RP1: variants seen among roughly 807,000 people sequenced by gnomAD.
The protein encoded by RP1 is oxygen-regulated protein 1.
In RP1, 16 loss-of-function variants were observed where a neutral mutation model predicts 14.8. The observed-to-expected ratio is 1.08, with a 90% CI of 0.73 to 1.65. The LOEUF (loss-of-function observed/expected upper bound fraction) is 1.65, where lower values mean the gene tolerates loss of function less well. RP1 is among the 40% of genes most tolerant of loss of function. The pLI is 0.00. For missense variants in RP1, 2,631 were observed against 2,535.0 expected (o/e 1.04, Z -0.81); for synonymous variants, 876 against 883.6 (o/e 0.99, Z 0.15).
chr8:54,682,545 G>A (rs1470687211), intron 12 of RP1, among the ~76,000 whole-genome samples: 2 of 152,112 alleles, frequency 1.3e-5, no homozygotes, highest in East Asian at 1.9e-4. Context: ...ATTCACAGTA[G>A]CAAAGACATT....
intron 1 of RP1, among the ~76,000 whole-genome samples, chr8:54,606,234 C>T (rs1260914366): frequency 6.6e-6 from 1 of 152,128 alleles, no homozygotes; most frequent in Non-Finnish European, 1.5e-5. Flanking sequence ...TTAGGGCAGG[C>T]CTGGTGGTGA....
At chr8:54,675,654 A>G (rs1324760858) in intron 8 of RP1, among the ~76,000 whole-genome samples, 3 of 150,874 alleles carry the variant, frequency 2.0e-5, no homozygotes, top group Non-Finnish European at 4.4e-5. Flanking sequence ...GGACAAAAGT[A>G]AAAAAAAATT....
intron 26 of RP1, among the ~76,000 whole-genome samples, chr8:54,855,934 TACACACACACAC>T (rs759603043): frequency 3.5e-5 from 2 of 57,786 alleles, no homozygotes; most frequent in African/African-American, 1.2e-4. Context: ...AGACTTACTA[TACACACACACAC>T]ACACACACAC....
At chr8:54,649,780 T>C (rs1585580975) in intron 4 of RP1, among the ~76,000 whole-genome samples, 1 of 152,144 alleles carries the variant, frequency 6.6e-6, no homozygotes, top group South Asian at 2.1e-4. Flanking sequence ...AAAATCACCA[T>C]GAAAAAAGAG....
At position 54,629,720 on chromosome 8, in the gene RP1, CT is replaced by C. The variant is rs1328615024; in HGVS notation, c.5840del (p.Leu1947TrpfsTer7). ...YRKESDIENF[L>X]GFYLWMKIHP... is the part of the protein sequence containing the mutation. ...GCAAAGAATCTGATATTGAAAATTTCTTGGGTTTTTATTTATGGATGAAAAT... is the reference window on the plus strand; with the variant it reads ...GCAAAGAATCTGATATTGAAAATTTCTGGGTTTTTATTTATGGATGAAAAT... On this transcript the variant is annotated frameshift_variant, in exon 4 of 4. Transcript: ENST00000220676. LOFTEE classifies it low-confidence loss of function (END_TRUNC). 4 of 1,611,966 alleles carry C rather than the reference CT, an allele frequency of 2.5e-6. No individual in the cohort carries two copies. The African/African-American group carries it at 5.4e-5, about 22-fold the overall frequency.
chr8:54,753,291 T>A (rs1012921286), intron 19 of RP1, among the ~76,000 whole-genome samples: 1 of 152,246 alleles, frequency 6.6e-6, no homozygotes, highest in Non-Finnish European at 1.5e-5. Context: ...ATTCATTTAA[T>A]CATTCGTTCA....
At chr8:54,601,583 AAAAT>A (rs1805294489) in intron 1 of RP1, among the ~76,000 whole-genome samples, 1 of 149,036 alleles carries the variant, frequency 6.7e-6, no homozygotes, top group African/African-American at 2.5e-5. Flanking sequence ...AAAAAAAAAC[AAAAT>A]AAAAAACTTA....
At chr8:54,575,570 T>C (rs1804622821) in intron 1 of RP1, among the ~76,000 whole-genome samples, 1 of 152,346 alleles carries the variant, frequency 6.6e-6, no homozygotes. Flanking sequence ...TTATAAAATG[T>C]ACAATTAAGT....
intron 19 of RP1, among the ~76,000 whole-genome samples, chr8:54,742,628 T>C (rs980484249): frequency 3.9e-5 from 6 of 152,202 alleles, no homozygotes; most frequent in Non-Finnish European, 7.3e-5. Context: ...TTTAGAAGCA[T>C]TGAAAGAATT....
intron 24 of RP1, among the ~76,000 whole-genome samples, chr8:54,819,018 G>A (rs1811196263): frequency 1.3e-5 from 2 of 152,106 alleles, no homozygotes; most frequent in Non-Finnish European, 2.9e-5. Context: ...ATGCACTGGA[G>A]GGCCCAGAAC....
rs890694115 is a variant in RP1 at position 54,601,681 on chromosome 8, A to G, written c.-12-19274A>G. Among the ~76,000 whole-genome samples, 5 of 152,166 alleles carry G rather than the reference A, an allele frequency of 3.3e-5. No individual in the cohort carries two copies. In the South Asian group the frequency reaches 1.0e-3, roughly 31 times the overall value. On this transcript the variant is annotated intron_variant, in intron 1 of 22. Coordinates refer to the RP1 transcript ENST00000636932. Reference sequence around the variant, plus strand: ...GAAGTATTATCTGCAGGAGCCCCAAACTGGAAACAACCTAAATGCTATTCA... The same window carrying G: ...GAAGTATTATCTGCAGGAGCCCCAAGCTGGAAACAACCTAAATGCTATTCA...
At chr8:54,729,291 G>T (rs986501728) in intron 17 of RP1, among the ~76,000 whole-genome samples, 1 of 152,146 alleles carries the variant, frequency 6.6e-6, no homozygotes, top group Non-Finnish European at 1.5e-5. Context: ...CAGCCATCCT[G>T]CCAGTCCATC....
chr8:54,599,710 C>T (rs1805230781), intron 1 of RP1, among the ~76,000 whole-genome samples: 1 of 152,172 alleles, frequency 6.6e-6, no homozygotes, highest in South Asian at 2.1e-4. Context: ...TTGCCTTGGC[C>T]TCCCAAAGTA....
Position 54,627,339 on chromosome 8 carries a change from G to T in RP1, c.3457G>T (p.Ala1153Ser), listed in dbSNP as rs772227991. The change falls in exon 4 of 4, where the codon GCT becomes TCT. Residue 1153 changes from alanine to serine, a missense_variant. Transcript: ENST00000220676. The part of the protein sequence containing the change: ...NSFCQVDAHK[A>S]TNKSSETLAL... ...CTTCTGTCAAGTTGATGCTCACAAG[G>T]CTACCAACAAATCTTCAGAAACACT... is the stretch of plus-strand genomic sequence containing the variant. 3 of 1,613,982 alleles carry T rather than the reference G, an allele frequency of 1.9e-6. No individual in the cohort carries two copies. The highest frequency in any genetic ancestry group is 2.7e-5 in the African/African-American group (2 of 74,936).
chr8:54,693,635 A>AT (rs1807777424), intron 12 of RP1, among the ~76,000 whole-genome samples: 1 of 152,128 alleles, frequency 6.6e-6, no homozygotes, highest in South Asian at 2.1e-4. Flanking sequence ...TTATTGGTGT[A>AT]TAAGAATGCT....
At chr8:54,746,930 G>C (rs1161276997) in intron 19 of RP1, among the ~76,000 whole-genome samples, 1 of 152,146 alleles carries the variant, frequency 6.6e-6, no homozygotes, top group African/African-American at 2.4e-5. Flanking sequence ...GTTCGTCTGA[G>C]AAGATGGTGT....
chr8:54,769,122 C>T (rs769540568), intron 22 of RP1, among the ~76,000 whole-genome samples: 7 of 152,084 alleles, frequency 4.6e-5, no homozygotes, highest in Non-Finnish European at 8.8e-5. Flanking sequence ...TCTCGATCTC[C>T]TGACCTCATG....
chr8:54,850,120 C>CA (rs1020855573), intron 25 of RP1, among the ~76,000 whole-genome samples: 2 of 152,140 alleles, frequency 1.3e-5, no homozygotes, highest in Non-Finnish European at 2.9e-5. Context: ...AAATGTCCAA[C>CA]ATAGATGGAT....
intron 22 of RP1, among the ~76,000 whole-genome samples, chr8:54,764,236 C>T (rs1563369587): frequency 6.6e-6 from 1 of 152,226 alleles, no homozygotes; most frequent in Non-Finnish European, 1.5e-5. Flanking sequence ...ACCTTTGCAG[C>T]CAAAAGCTGG....
Sources: allele counts gnomAD v4.1 joint callset (sites outside exome capture counted in the v4.1 genomes callset), GRCh38; gene constraint gnomAD v4.1.1; transcripts MANE v1.5; gene names NCBI Gene and HGNC (gene_info 2026-07-23, HGNC 2026-07-21).